The following CLEC4D variants were observed in gnomAD, a reference collection of about 807,000 sequenced individuals.
CLEC4D encodes the protein C-type lectin domain family 4 member D.
CLEC4D carries 21 observed loss-of-function variants against 21.1 expected under a neutral mutation model. That is an observed-to-expected ratio of 1.00 (90% CI 0.71 to 1.43). CLEC4D has a LOEUF of 1.43. Among genes scored for constraint, CLEC4D ranks in the 40% most tolerant of loss-of-function variants. The pLI, the probability that CLEC4D is intolerant of heterozygous loss-of-function variation, is 0.00. For synonymous variants in CLEC4D, 85 were observed against 83.1 expected (o/e 1.02, Z -0.12); for missense variants, 289 against 260.7 (o/e 1.11, Z -0.75).
downstream of CLEC4D, among the ~76,000 whole-genome samples, chr12:8,522,855 T>A (rs760766377): frequency 6.6e-6 from 1 of 152,304 alleles, no homozygotes; most frequent in Admixed American, 6.5e-5. Context: ...CTTTAATCCA[T>A]CTTGAGTTAA....
Position 8,521,138 on chromosome 12 carries a change from A to G in CLEC4D, c.515A>G (p.Asn172Ser). 6.2e-7 allele frequency: 1 copy of G among 1,613,124 alleles called. No individual in the cohort carries two copies. Among genetic ancestry groups the G allele is most frequent in the South Asian group, 1.1e-5 (1 of 91,002 alleles). ...TGTTCTTTCAGATTCTGGCATAAGAATGAACCCGACAACTCTCAGGGAGAA... is the reference window on the plus strand; with the variant it reads ...TGTTCTTTCAGATTCTGGCATAAGAGTGAACCCGACAACTCTCAGGGAGAA... Reference protein sequence around the residue: ...FNPRRVFWHKNEPDNSQGENC... With the variant: ...FNPRRVFWHKSEPDNSQGENC... The change falls in exon 6 of 6, where the codon AAT becomes AGT. Residue 172 changes from asparagine (N) to serine (S), a missense_variant. Coordinates refer to ENST00000299665, the MANE Select transcript of CLEC4D (RefSeq NM_080387.5).
chr12:8,519,013 C>T lies in CLEC4D; in HGVS notation c.237C>T (p.Ser79=). ...EKSELKSAEG[S]TWNCCPIDWR... ...CCGTTTTAATTTTCACTTGAGGGAG[C>T]ACCTGGAACTGTTGTCCTATTGACT... The change falls in exon 4 of 6, where the codon AGC becomes AGT. Residue 79 remains serine (S), a synonymous_variant. Coordinates refer to ENST00000299665, the MANE Select transcript of CLEC4D (RefSeq NM_080387.5). 1 of 1,610,700 alleles carries T rather than the reference C, an allele frequency of 6.2e-7. No homozygotes were observed. Among genetic ancestry groups the T allele is most frequent in the Non-Finnish European group, 8.5e-7 (1 of 1,178,950 alleles).
chr12:8,528,155 A>G, the CLEC4D span, among the ~76,000 whole-genome samples: 1 of 152,188 alleles, frequency 6.6e-6, no homozygotes, highest in Non-Finnish European at 1.5e-5. Flanking sequence ...CAATCAGATA[A>G]TGAGGGTTCT....
At chr12:8,519,781 T>C (rs776175082) in intron 4 of CLEC4D, among the ~76,000 whole-genome samples, 1 of 152,380 alleles carries the variant, frequency 6.6e-6, no homozygotes, top group South Asian at 2.1e-4. Context: ...TTATGTACCA[T>C]GACTCAGATT....
At chr12:8,530,011 C>G in the CLEC4D span, among the ~76,000 whole-genome samples, 1 of 152,146 alleles carries the variant, frequency 6.6e-6, no homozygotes, top group Admixed American at 6.5e-5. Flanking sequence ...TTACAATCCT[C>G]TAGAAGAATT....
At chr12:8,514,004 TGAAAA>T (rs1940343329) in intron 1 of CLEC4D, among the ~76,000 whole-genome samples, 2 of 151,342 alleles carry the variant, frequency 1.3e-5, no homozygotes. Context: ...AGAAATAAGA[TGAAAA>T]GAAAGAGAGT....
the CLEC4D span, among the ~76,000 whole-genome samples, chr12:8,531,477 C>T: frequency 1.1e-4 from 16 of 152,152 alleles, no homozygotes; most frequent in African/African-American, 2.4e-5. Flanking sequence ...TGGGAAATAA[C>T]TCTTTTTCAT....
At chr12:8,523,730 C>T (rs988869871), downstream of CLEC4D, among the ~76,000 whole-genome samples, 1 of 152,138 alleles carries the variant, frequency 6.6e-6, no homozygotes, top group Non-Finnish European at 1.5e-5. Context: ...ACTTTCAGTA[C>T]TATGTTGAAT....
the CLEC4D span, among the ~76,000 whole-genome samples, chr12:8,528,211 T>C: frequency 6.6e-6 from 1 of 152,322 alleles, no homozygotes; most frequent in South Asian, 2.1e-4. Context: ...AGTGGATTAA[T>C]GGGTTGATGT....
rs774176768 is a variant in CLEC4D, at chr12:8,519,087, C to T, written c.311C>T (p.Thr104Met). 6.2e-6 allele frequency: 10 copies of T among 1,614,018 alleles called. No homozygotes were observed. The highest frequency in any genetic ancestry group is 2.2e-5 in the South Asian group (2 of 91,084). ...TATTTTCCTCTTACTGACAACAAGA[C>T]GTGGGCTGAGAGTGAAAGGAACTGT... ...NCYFPLTDNK[T>M]WAESERNCSG... Residue 104 changes from threonine (T) to methionine (M), a missense_variant, in exon 4 of 6, where the codon ACG (threonine) becomes ATG (methionine). Thr to Met is a moderately conservative substitution (Grantham distance 81). Coordinates refer to ENST00000299665, the MANE Select transcript of CLEC4D (RefSeq NM_080387.5).
In CLEC4D at chr12:8,517,004, TG is replaced by T. The variant is rs1940390099; in HGVS notation, c.122-1159del. 2.0e-5 allele frequency among the ~76,000 whole-genome samples: 3 copies of T among 152,220 alleles called. No individual in the cohort carries two copies. In the South Asian group the frequency reaches 6.2e-4, roughly 32 times the overall value. On this transcript the variant is annotated intron_variant, in intron 2 of 5. Coordinates refer to ENST00000299665, the MANE Select transcript of CLEC4D (RefSeq NM_080387.5). ...AAAGACAGAATCAGAATACATACTG[TG>T]TGATTGCCGTTCAAAAACAGGCAAA...
rs867728477 is a variant in CLEC4D, at chr12:8,518,184, C to T, written c.142C>T (p.Arg48Cys). ...SCLVTHHNFS[R>C]CKRGTGVHKL... Reference sequence around the variant, plus strand: ...GACAGTGACTCATCACAACTTTTCACGCTGTAAGAGAGGCACAGGAGTGCA... The same window carrying T: ...GACAGTGACTCATCACAACTTTTCATGCTGTAAGAGAGGCACAGGAGTGCA... The change falls in exon 3 of 6, where the codon CGC (arginine) becomes TGC (cysteine). Residue 48 changes from arginine to cysteine, a missense_variant. Coordinates refer to ENST00000299665, the MANE Select transcript of CLEC4D (RefSeq NM_080387.5). The T allele has an allele frequency of 1.5e-6, 2 of 1,332,700 alleles. No individual in the cohort carries two copies. The highest frequency in any genetic ancestry group is 2.2e-6 in the Non-Finnish European group (2 of 923,976). The allele number at this position is 1,332,700 out of a possible 1,614,324, so 82.6% of individuals were successfully genotyped here. A position where few individuals can be genotyped will look rare whatever the true frequency, so the allele number is the denominator to read the frequency against.
intron 3 of CLEC4D, among the ~76,000 whole-genome samples, 169 bp downstream of exon 3, chr12:8,518,443 T>C (rs751676478): frequency 1.3e-3 from 195 of 152,372 alleles, no homozygotes; most frequent in African/African-American, 4.5e-3. Context: ...CTCATTACTG[T>C]AATCCAGTTA....
chr12:8,525,090 G>A (rs974890987), downstream of CLEC4D, among the ~76,000 whole-genome samples: 6 of 151,978 alleles, frequency 3.9e-5, no homozygotes, highest in Non-Finnish European at 7.4e-5. Flanking sequence ...CAGTTCTTTC[G>A]CATTTGCTGA....
chr12:8,530,259 A>T, the CLEC4D span, among the ~76,000 whole-genome samples: 3 of 152,198 alleles, frequency 2.0e-5, no homozygotes, highest in African/African-American at 7.2e-5. Context: ...CTTTAAGTTT[A>T]AGAACAAAAC....
In CLEC4D at chr12:8,516,742, A is replaced by T. The variant is rs762438312; in HGVS notation, c.121+1414A>T. Among the ~76,000 whole-genome samples the T allele has an allele frequency of 6.6e-5, 10 of 152,346 alleles. No individual in the cohort carries two copies. The South Asian group carries it at 2.1e-3, about 32-fold the overall frequency. On this transcript the variant is annotated intron_variant, in intron 2 of 5. Transcript: ENST00000299665. The stretch of plus-strand genomic sequence containing the variant: ...CGCTATTGCCTGCAGTTCCACTCCT[A>T]CGTATGTGCCCTACAGAAACGCATG...
At chr12:8,526,712 C>T (rs1195764601), downstream of CLEC4D, among the ~76,000 whole-genome samples, 2 of 152,140 alleles carry the variant, frequency 1.3e-5, no homozygotes, top group African/African-American at 4.8e-5. Context: ...ATCCTCTGTC[C>T]AGTTCTGCAC....
At chr12:8,528,758 C>G in the CLEC4D span, among the ~76,000 whole-genome samples, 1 of 151,972 alleles carries the variant, frequency 6.6e-6, no homozygotes, top group Non-Finnish European at 1.5e-5. Flanking sequence ...ACTCTAGTTA[C>G]TGAAATGCCT....
At chr12:8,526,399 T>C (rs1940505615), downstream of CLEC4D, among the ~76,000 whole-genome samples, 1 of 152,176 alleles carries the variant, frequency 6.6e-6, no homozygotes, top group Admixed American at 6.5e-5. Flanking sequence ...TCATTCTTTT[T>C]TCTCTATTCT....
Sources: gnomAD v4.1 joint callset for allele counts (sites outside exome capture counted in the v4.1 genomes callset) on GRCh38, gnomAD v4.1.1 for gene constraint, MANE v1.5 for transcripts, NCBI Gene and HGNC (gene_info 2026-07-23, HGNC 2026-07-21) for gene names.